ATXN1: variants seen among roughly 807,000 people sequenced by gnomAD.
ATXN1 encodes the protein ataxin-1.
ATXN1 carries 8 observed loss-of-function variants against 56.4 expected under a neutral mutation model. The ratio of observed to expected loss-of-function variants is 0.14; its 90% confidence interval spans 0.08 to 0.26. The LOEUF (loss-of-function observed/expected upper bound fraction) is 0.26, where lower values mean the gene tolerates loss of function less well. Ranked by LOEUF, ATXN1 falls within the 10% of genes least tolerant of loss-of-function variation. The pLI, the probability that ATXN1 is intolerant of heterozygous loss-of-function variation, is 1.00. For synonymous variants in ATXN1, 514 were observed against 494.6 expected (o/e 1.04, Z -0.52); for missense variants, 987 against 1,106.5 (o/e 0.89, Z 1.53).
intron 6 of ATXN1, among the ~76,000 whole-genome samples, chr6:16,380,536 A>G (rs1353665381): frequency 6.6e-6 from 1 of 151,974 alleles, no homozygotes; most frequent in African/African-American, 2.4e-5. Flanking sequence ...TTCAGATGTC[A>G]AAACTAACGT....
intron 7 of ATXN1, among the ~76,000 whole-genome samples, chr6:16,320,355 G>A (rs774906593): frequency 5.9e-5 from 9 of 152,094 alleles, no homozygotes; most frequent in Non-Finnish European, 1.0e-4. Flanking sequence ...AGGAGGAAAT[G>A]GCACTGAATA....
chr6:16,404,294 G>A (rs1246482093), intron 6 of ATXN1, among the ~76,000 whole-genome samples: 1 of 152,198 alleles, frequency 6.6e-6, no homozygotes, highest in Non-Finnish European at 1.5e-5. Flanking sequence ...TTAAGAGGCA[G>A]GAACATAACA....
At chr6:16,342,399 C>A (rs1019856486) in intron 6 of ATXN1, among the ~76,000 whole-genome samples, 1 of 150,978 alleles carries the variant, frequency 6.6e-6, no homozygotes, top group Non-Finnish European at 1.5e-5. Context: ...GATGGGGAAA[C>A]GAGAACCTAT....
At chr6:16,668,994 T>A (rs2113378530) in intron 2 of ATXN1, among the ~76,000 whole-genome samples, 1 of 152,160 alleles carries the variant, frequency 6.6e-6, no homozygotes, top group Non-Finnish European at 1.5e-5. Context: ...AATTACTCTT[T>A]GAGAAATTGT....
chr6:16,414,067 A>T (rs1758854836), intron 6 of ATXN1, among the ~76,000 whole-genome samples: 1 of 152,258 alleles, frequency 6.6e-6, no homozygotes, highest in Admixed American at 6.5e-5. Flanking sequence ...TATAGCCTCA[A>T]GGAGCTAATT....
intron 6 of ATXN1, among the ~76,000 whole-genome samples, chr6:16,343,337 C>G (rs1027871577): frequency 6.6e-6 from 1 of 152,158 alleles, no homozygotes; most frequent in African/African-American, 2.4e-5. Flanking sequence ...GAGCGAGACT[C>G]TGTCTCAAAT....
At chr6:16,349,098 C>T (rs1761511477) in intron 6 of ATXN1, among the ~76,000 whole-genome samples, 2 of 152,304 alleles carry the variant, frequency 1.3e-5, no homozygotes, top group South Asian at 4.1e-4. Flanking sequence ...TAGATGAGGG[C>T]CTGGCGTACT....
rs1444409397 is a variant in ATXN1, at chr6:16,303,549, T to C, written c.*2780A>G. 1 of 152,636 alleles carries C rather than the reference T, an allele frequency of 6.6e-6. No homozygotes were observed. The allele number at this position is 152,636 out of a possible 1,614,324, so 9.5% of individuals were successfully genotyped here. A position where few individuals can be genotyped will look rare whatever the true frequency, so the allele number is the denominator to read the frequency against. ...TCAGACTCTATTGGCACAGAAAGTA[T>C]TGCACATGCTAAAAAAGCAAGAGAA... On this transcript the variant is annotated 3_prime_UTR_variant, in exon 8 of 8. Transcript: ENST00000436367. The surrounding 1 kb of genome is among the most constrained non-coding windows in gnomAD (Gnocchi z 4.3).
intron 6 of ATXN1, among the ~76,000 whole-genome samples, chr6:16,376,309 C>T (rs961924702): frequency 4.6e-5 from 7 of 152,198 alleles, no homozygotes; most frequent in Admixed American, 4.6e-4. Context: ...GCACTTTGGA[C>T]TAAATCCTTT....
intron 5 of ATXN1, among the ~76,000 whole-genome samples, chr6:16,517,985 T>C (rs1761217409): frequency 6.6e-6 from 1 of 152,258 alleles, no homozygotes; most frequent in African/African-American, 2.4e-5. Context: ...GCCTCCTATG[T>C]GCTTGGCACA....
At chr6:16,390,887 G>A (rs1473529650) in intron 6 of ATXN1, among the ~76,000 whole-genome samples, 2 of 152,108 alleles carry the variant, frequency 1.3e-5, no homozygotes, top group Admixed American at 6.5e-5. Flanking sequence ...ATGGCCAGGC[G>A]TGGTGGCTCA....
chr6:16,547,503 G>C (rs757168601), intron 4 of ATXN1, among the ~76,000 whole-genome samples: 6 of 152,144 alleles, frequency 3.9e-5, no homozygotes, highest in Non-Finnish European at 8.8e-5. Flanking sequence ...GCCTGTGTTA[G>C]TTTCCTGGGG....
chr6:16,382,859 G>A (rs756447846), intron 6 of ATXN1, among the ~76,000 whole-genome samples: 14 of 151,206 alleles, frequency 9.3e-5, no homozygotes, highest in Non-Finnish European at 1.6e-4. Context: ...TGCAAGTCTT[G>A]GCCAAGTGTT....
At chr6:16,746,015 T>C (rs1238778762) in intron 2 of ATXN1, among the ~76,000 whole-genome samples, 1 of 151,614 alleles carries the variant, frequency 6.6e-6, no homozygotes, top group Admixed American at 6.6e-5. Flanking sequence ...AAGCAACATC[T>C]AGAGAGTGAG....
chr6:16,427,205 A>G (rs1581754593), intron 6 of ATXN1, among the ~76,000 whole-genome samples: 2 of 152,156 alleles, frequency 1.3e-5, no homozygotes, highest in South Asian at 4.1e-4. Context: ...AGGGTTTCTC[A>G]GCCTTGGCAC....
At chr6:16,714,181 CCA>C (rs70999343) in intron 2 of ATXN1, among the ~76,000 whole-genome samples, 28,653 of 137,488 alleles carry the variant, frequency 0.21, 3,399 homozygotes, top group Non-Finnish European at 0.27. Flanking sequence ...AAACCACACA[CCA>C]CACACACACA....
chr6:16,713,358 A>G (rs897906643), intron 2 of ATXN1, among the ~76,000 whole-genome samples: 2 of 152,196 alleles, frequency 1.3e-5, no homozygotes, highest in Non-Finnish European at 2.9e-5. Flanking sequence ...CTGAATTTTT[A>G]AAAAGGAGAA....
chr6:16,397,424 C>T (rs1758479747), intron 6 of ATXN1, among the ~76,000 whole-genome samples: 1 of 152,168 alleles, frequency 6.6e-6, no homozygotes, highest in East Asian at 1.9e-4. Context: ...CCACCATGCC[C>T]GGCTAGTATT....
intron 6 of ATXN1, among the ~76,000 whole-genome samples, chr6:16,378,601 C>T (rs921074454): frequency 6.6e-5 from 10 of 151,732 alleles, no homozygotes; most frequent in South Asian, 2.1e-4. Flanking sequence ...ACTCTGTCAC[C>T]GAGGCTGGAG....
Sources: gnomAD v4.1 joint callset for allele counts (sites outside exome capture counted in the v4.1 genomes callset) on GRCh38, gnomAD v4.1.1 for gene constraint, Gnocchi (gnomAD v3.1) non-coding constraint, MANE v1.5 for transcripts, NCBI Gene and HGNC (gene_info 2026-07-23, HGNC 2026-07-21) for gene names.